Variants in PARD3B observed in about 807,000 individuals in gnomAD.
PARD3B encodes the protein partitioning defective 3 homolog B.
PARD3B carries 103 observed loss-of-function variants against 130.2 expected under a neutral mutation model. The ratio of observed to expected loss-of-function variants is 0.79; its 90% CI spans 0.67 to 0.93. The LOEUF (loss-of-function observed/expected upper bound fraction) is 0.93. Among genes scored for constraint, PARD3B ranks in the 40% least tolerant of loss-of-function variants. The pLI is 0.00. For synonymous variants in PARD3B, 583 were observed against 553.2 expected (o/e 1.05, Z -0.76); for missense variants, 1,609 against 1,499.2 (o/e 1.07, Z -1.21).
chr2:205,148,124 T>C (rs926526257), intron 10 of PARD3B, among the ~76,000 whole-genome samples: 2 of 152,114 alleles, frequency 1.3e-5, no homozygotes, highest in Non-Finnish European at 2.9e-5. Flanking sequence ...TGTCTATCTA[T>C]CTATATATTC....
At position 204,677,785 on chromosome 2, in the gene PARD3B, G is replaced by C. The variant is rs1324168867; in HGVS notation, c.121-8396G>C. Among the ~76,000 whole-genome samples the C allele has an allele frequency of 1.3e-5, 2 of 152,144 alleles. No homozygotes were observed. The highest frequency in any genetic ancestry group is 2.9e-5 in the Non-Finnish European group (2 of 68,030). ...GCTTCTTAGAAATGTTGAATAACTG[G>C]TAGTCAGTTAGCTACATGTTCTATT... On this transcript the variant is annotated intron_variant, in intron 1 of 22. Transcript: ENST00000406610. This position sits in a 1 kb window ranked among gnomAD's most constrained non-coding sequence, Gnocchi z 4.1.
intron 1 of PARD3B, among the ~76,000 whole-genome samples, chr2:204,676,163 T>C (rs1484754472): frequency 6.6e-6 from 1 of 151,980 alleles, no homozygotes; most frequent in Non-Finnish European, 1.5e-5. Context: ...AGAACTATTT[T>C]AGAGTGAGAA....
At chr2:205,398,605 A>G (rs1327481014) in intron 18 of PARD3B, among the ~76,000 whole-genome samples, 2 of 152,158 alleles carry the variant, frequency 1.3e-5, no homozygotes, top group Non-Finnish European at 2.9e-5. Flanking sequence ...TAATTGAAAT[A>G]GTAAGTTGAG....
At chr2:204,760,047 A>G (rs977069562) in intron 2 of PARD3B, among the ~76,000 whole-genome samples, 2 of 152,106 alleles carry the variant, frequency 1.3e-5, no homozygotes, top group South Asian at 2.1e-4. Flanking sequence ...ACTGCATGGT[A>G]TTACTCTGAA....
chr2:204,708,489 A>G (rs541756918), intron 2 of PARD3B, among the ~76,000 whole-genome samples: 2 of 152,340 alleles, frequency 1.3e-5, no homozygotes, highest in East Asian at 3.9e-4. Context: ...TAGAAAGTAG[A>G]CATAGATATT....
intron 2 of PARD3B, among the ~76,000 whole-genome samples, chr2:204,896,969 G>A (rs1342669857): frequency 2.0e-5 from 3 of 152,058 alleles, no homozygotes; most frequent in South Asian, 2.1e-4. Flanking sequence ...ACAGCAGAGC[G>A]GGGTTAAAAA....
At chr2:204,549,645 ATCTAC>A (rs1289513970) in intron 1 of PARD3B, among the ~76,000 whole-genome samples, 5 of 152,208 alleles carry the variant, frequency 3.3e-5, no homozygotes, top group South Asian at 2.1e-4. Flanking sequence ...AGAATCACTA[ATCTAC>A]TCTAATCTTT....
chr2:204,671,146 G>C (rs1259880912), intron 1 of PARD3B, among the ~76,000 whole-genome samples: 1 of 152,104 alleles, frequency 6.6e-6, no homozygotes. Flanking sequence ...CACCTGTCAG[G>C]AGTGACTGGG....
At chr2:205,506,423 T>C (rs1030659918) in intron 21 of PARD3B, among the ~76,000 whole-genome samples, 2 of 152,198 alleles carry the variant, frequency 1.3e-5, no homozygotes, top group Admixed American at 1.3e-4. Context: ...ATGAGATGGT[T>C]GGGTGAATAA....
At chr2:204,773,550 G>A (rs576891212) in intron 2 of PARD3B, among the ~76,000 whole-genome samples, 1 of 152,164 alleles carries the variant, frequency 6.6e-6, no homozygotes, top group East Asian at 1.9e-4. Flanking sequence ...ATTTTATGGA[G>A]GAACTGAAGT....
intron 1 of PARD3B, among the ~76,000 whole-genome samples, chr2:204,579,095 G>A (rs1216186206): frequency 6.6e-6 from 1 of 151,858 alleles, no homozygotes; most frequent in East Asian, 1.9e-4. Context: ...AGGGCAGGCT[G>A]GGGGCGGGGA....
At chr2:204,888,402 C>T (rs1007521797) in intron 2 of PARD3B, among the ~76,000 whole-genome samples, 26 of 152,090 alleles carry the variant, frequency 1.7e-4, no homozygotes, top group African/African-American at 5.5e-4. Flanking sequence ...GCCAAAGGAA[C>T]AGATGAGGCC....
intron 2 of PARD3B, among the ~76,000 whole-genome samples, chr2:204,688,829 A>C (rs1408986714): frequency 1.3e-5 from 2 of 152,088 alleles, no homozygotes; most frequent in African/African-American, 4.8e-5. Flanking sequence ...ATAACAGTTC[A>C]CCTGTTTGCA....
chr2:205,159,639 T>A (rs1166163572), intron 11 of PARD3B, among the ~76,000 whole-genome samples: 1 of 152,178 alleles, frequency 6.6e-6, no homozygotes, highest in African/African-American at 2.4e-5. Context: ...TTTCCAGGAT[T>A]AAATCACACA....
rs1375655339 is a variant in PARD3B at position 205,183,143 on chromosome 2, CA to C, written c.1925-2620del. Reference sequence around the variant, plus strand: ...CCTTGGGAGAAGGGTAGGATTTTGACAGGTAGAGTAGGTTTTGCAGTTACAT... The same window carrying C: ...CCTTGGGAGAAGGGTAGGATTTTGACGGTAGAGTAGGTTTTGCAGTTACAT... On this transcript the variant is annotated intron_variant, in intron 13 of 22. Transcript: ENST00000406610. This position sits in a 1 kb window ranked among gnomAD's most constrained non-coding sequence, Gnocchi z 5.2. Among the ~76,000 whole-genome samples, 5 of 152,190 alleles carry C rather than the reference CA, an allele frequency of 3.3e-5. No homozygotes were observed. The highest frequency in any genetic ancestry group is 1.2e-4 in the African/African-American group (5 of 41,512).
chr2:204,616,026 A>G (rs1258158328), intron 1 of PARD3B, among the ~76,000 whole-genome samples: 1 of 152,190 alleles, frequency 6.6e-6, no homozygotes, highest in Non-Finnish European at 1.5e-5. Context: ...TAAAACTCTT[A>G]GGACATAGGA....
Position 205,397,959 on chromosome 2 carries a change from AAGG to A in PARD3B, c.2631-3051_2631-3049del, listed in dbSNP as rs1442283360. On this transcript the variant is annotated intron_variant, in intron 18 of 22. Coordinates refer to ENST00000406610, the MANE Select transcript of PARD3B (RefSeq NM_001302769.2). This position sits in a 1 kb window ranked among gnomAD's most constrained non-coding sequence, Gnocchi z 4.8. ...TTAGCTATCTCCTGCTTTGTAGGTT[AAGG>A]AGAAGTCTTGAATGTATCAGGCAAA... Among the ~76,000 whole-genome samples, 1 of 152,148 alleles carries A rather than the reference AAGG, an allele frequency of 6.6e-6. No individual in the cohort carries two copies.
At chr2:205,607,736 CT>C (rs1378622585) in intron 22 of PARD3B, among the ~76,000 whole-genome samples, 1 of 152,008 alleles carries the variant, frequency 6.6e-6, no homozygotes, top group East Asian at 1.9e-4. Flanking sequence ...ACTTACATTT[CT>C]GCTTCTGAAT....
intron 2 of PARD3B, among the ~76,000 whole-genome samples, chr2:204,836,183 T>C (rs1300132207): frequency 6.6e-6 from 1 of 152,186 alleles, no homozygotes; most frequent in Non-Finnish European, 1.5e-5. Flanking sequence ...ATTAAGTATA[T>C]AGATACTATT....
Sources: gnomAD v4.1 joint callset for allele counts (sites outside exome capture counted in the v4.1 genomes callset) on GRCh38, gnomAD v4.1.1 for gene constraint, Gnocchi (gnomAD v3.1) non-coding constraint, MANE v1.5 for transcripts, NCBI Gene and HGNC (gene_info 2026-07-23, HGNC 2026-07-21) for gene names.